The following B3GLCT variants were observed in gnomAD, a reference collection of about 807,000 sequenced individuals.
B3GLCT encodes beta-1,3-glucosyltransferase.
Under a neutral mutation model 63.4 loss-of-function variants are expected in B3GLCT, and 65 were observed. The observed-to-expected ratio is 1.03, with a 90% CI of 0.84 to 1.26. The LOEUF (loss-of-function observed/expected upper bound fraction) is 1.26, where lower values mean the gene tolerates loss of function less well. Among genes scored for constraint, B3GLCT ranks in the 50% most tolerant of loss-of-function variants. B3GLCT has a pLI of 0.00. For missense variants in B3GLCT, 577 were observed against 604.8 expected, an observed-to-expected ratio of 0.95 and a Z score of 0.48; for synonymous variants, 233 against 219.2, an observed-to-expected ratio of 1.06 and a Z score of -0.55.
rs1453311258 is a variant in B3GLCT, at chr13:31,276,755, A to G, written c.834A>G (p.Lys278=). ...TTGTTGCAGTAAAAACATGCAAGAAATTTCATGGTGACAGAAGTATGTTTT... is the reference window on the plus strand; with the variant it reads ...TTGTTGCAGTAAAAACATGCAAGAAGTTTCATGGTGACAGAAGTATGTTTT... ...DIFVAVKTCK[K]FHGDRIPIVK... Residue 278 remains lysine, a synonymous_variant, in exon 10 of 15, where the codon AAA becomes AAG. Coordinates refer to ENST00000343307, the MANE Select transcript of B3GLCT (RefSeq NM_194318.4). 2 of 1,612,278 alleles carry G rather than the reference A, an allele frequency of 1.2e-6. No individual in the cohort carries two copies. The highest frequency in any genetic ancestry group is 1.3e-5 in the African/African-American group (1 of 74,898).
chr13:31,261,639 G>C (rs1182585092), intron 7 of B3GLCT, among the ~76,000 whole-genome samples: 1 of 152,138 alleles, frequency 6.6e-6, no homozygotes, highest in Non-Finnish European at 1.5e-5. Flanking sequence ...TTGTAATTCA[G>C]GAGAAGTATG....
intron 7 of B3GLCT, among the ~76,000 whole-genome samples, chr13:31,262,701 G>A (rs1316639967): frequency 2.6e-5 from 4 of 152,176 alleles, no homozygotes; most frequent in Admixed American, 2.6e-4. Flanking sequence ...CCTTTGTTGA[G>A]TCTGGACTCT....
chr13:31,289,608 T>C (rs1873539104), intron 12 of B3GLCT, among the ~76,000 whole-genome samples: 1 of 61,578 alleles, frequency 1.6e-5, no homozygotes, highest in Middle Eastern at 9.4e-3. Context: ...ACTTTAGCCA[T>C]CGTGCTAAAA....
intron 1 of B3GLCT, among the ~76,000 whole-genome samples, chr13:31,211,794 A>G (rs1593246750): frequency 6.6e-6 from 1 of 152,194 alleles, no homozygotes; most frequent in African/African-American, 2.4e-5. Context: ...TACATCATCA[A>G]ATATTAGCTA....
intron 1 of B3GLCT, among the ~76,000 whole-genome samples, chr13:31,213,034 G>T (rs1869354891): frequency 6.6e-6 from 1 of 150,388 alleles, no homozygotes; most frequent in Admixed American, 6.6e-5. Flanking sequence ...GTGTGTGTGT[G>T]TGCACGCGTG....
chr13:31,270,101 G>C (rs1872517618), intron 8 of B3GLCT, among the ~76,000 whole-genome samples: 1 of 152,196 alleles, frequency 6.6e-6, no homozygotes, highest in Admixed American at 6.5e-5. Context: ...TCTGTGACCA[G>C]TTATTCTAGA....
At chr13:31,245,126 T>C (rs1306479979) in intron 4 of B3GLCT, among the ~76,000 whole-genome samples, 2 of 152,172 alleles carry the variant, frequency 1.3e-5, no homozygotes, top group Non-Finnish European at 2.9e-5. Flanking sequence ...CAATCTAGGA[T>C]GTGATTCCTT....
Position 31,276,753 on chromosome 13 carries a change from A to G in B3GLCT, c.832A>G (p.Lys278Glu), listed in dbSNP as rs1375424705. ...DIFVAVKTCK[K>E]FHGDRIPIVK... ...TTTTGTTGCAGTAAAAACATGCAAG[A>G]AATTTCATGGTGACAGAAGTATGTT... Residue 278 changes from lysine to glutamate, a missense_variant, in exon 10 of 15, where the codon AAA (lysine) becomes GAA (glutamate). Transcript: ENST00000343307. 24 of 1,612,740 alleles carry G rather than the reference A, an allele frequency of 1.5e-5. No individual in the cohort carries two copies. Among genetic ancestry groups the G allele is most frequent in the Non-Finnish European group, 2.0e-5 (24 of 1,178,808 alleles).
intron 6 of B3GLCT, among the ~76,000 whole-genome samples, chr13:31,253,595 C>CAAAAAAAAAAAAAAAAA (rs35512327): frequency 5.4e-5 from 1 of 18,418 alleles, no homozygotes; most frequent in African/African-American, 3.2e-4. Context: ...GACTCCATCT[C>CAAAAAAAAAAAAAAAAA]AAAAAAAAAA....
chr13:31,264,542 C>G (rs1872199112), intron 7 of B3GLCT, among the ~76,000 whole-genome samples: 1 of 152,150 alleles, frequency 6.6e-6, no homozygotes. Context: ...ATTCTACTTA[C>G]CTTAGATCAT....
chr13:31,255,874 A>G (rs9542651), intron 6 of B3GLCT, among the ~76,000 whole-genome samples: 87,825 of 152,078 alleles, frequency 0.58, 26,086 homozygotes, highest in East Asian at 0.93. Context: ...CATTCAGGAC[A>G]TAGGCATGGG....
At chr13:31,208,586 G>T in intron 1 of B3GLCT, among the ~76,000 whole-genome samples, 1 of 111,982 alleles carries the variant, frequency 8.9e-6, no homozygotes, top group Admixed American at 9.2e-5. Context: ...CGGGTGCTCT[G>T]TCTCAGAGCC....
At chr13:31,200,647 C>G (rs141794695) in intron 1 of B3GLCT, among the ~76,000 whole-genome samples, 3 of 151,828 alleles carry the variant, frequency 2.0e-5, no homozygotes, top group Non-Finnish European at 2.9e-5. Flanking sequence ...AGGCGGCCCT[C>G]GAGGCCCCGC....
At chr13:31,235,711 C>T (rs1405263419) in intron 4 of B3GLCT, among the ~76,000 whole-genome samples, 4 of 152,168 alleles carry the variant, frequency 2.6e-5, no homozygotes, top group African/African-American at 9.7e-5. Flanking sequence ...CTAAAATGCA[C>T]GTCTTAAGTG....
chr13:31,322,069 GGTGAGAACATGT>G (rs1336029544), intron 13 of B3GLCT, among the ~76,000 whole-genome samples: 1 of 152,196 alleles, frequency 6.6e-6, no homozygotes, highest in Non-Finnish European at 1.5e-5. Flanking sequence ...CCTACTTATA[GGTGAGAACATGT>G]GATGTTTTGA....
chr13:31,322,300 A>G (rs2137944488), intron 13 of B3GLCT, among the ~76,000 whole-genome samples: 1 of 152,396 alleles, frequency 6.6e-6, no homozygotes, highest in East Asian at 1.9e-4. Flanking sequence ...CAGGAAGGGC[A>G]GGCATGTTTC....
At chr13:31,295,732 G>A (rs1873902714) in intron 12 of B3GLCT, among the ~76,000 whole-genome samples, 2 of 152,216 alleles carry the variant, frequency 1.3e-5, no homozygotes, top group African/African-American at 4.8e-5. Context: ...TCCAGCCAGT[G>A]GATCTTAGCT....
chr13:31,302,006 G>T lies in B3GLCT; in HGVS notation c.1064+15187G>T, dbSNP rs114339617. ...ACTTTCATTCCTATGAATGTTTTCT[G>T]TATTCATCTTATTTCTTACAAACCA... On this transcript the variant is annotated intron_variant, in intron 12 of 14. Coordinates refer to ENST00000343307, the MANE Select transcript of B3GLCT (RefSeq NM_194318.4). 5.5e-3 allele frequency among the ~76,000 whole-genome samples: 838 copies of T among 152,032 alleles called. 12 individuals are homozygous for T. Among genetic ancestry groups the T allele is most frequent in the African/African-American group, 0.019 (805 of 41,466 alleles).
intron 6 of B3GLCT, among the ~76,000 whole-genome samples, chr13:31,259,065 T>A (rs527326501): frequency 3.0e-4 from 45 of 152,198 alleles, no homozygotes; most frequent in Non-Finnish European, 5.3e-4. Context: ...TTTGAATTAC[T>A]AACTTCAGTT....
Sources: allele counts gnomAD v4.1 joint callset (sites outside exome capture counted in the v4.1 genomes callset), GRCh38; gene constraint gnomAD v4.1.1; transcripts MANE v1.5; gene names NCBI Gene and HGNC (gene_info 2026-07-23, HGNC 2026-07-21).